The following FRMD1 variants were observed in gnomAD, a reference collection of about 807,000 sequenced individuals.
The protein encoded by FRMD1 is FERM domain-containing protein 1.
A neutral mutation model predicts 54.9 loss-of-function variants in FRMD1; 51 were observed. That is an observed-to-expected ratio of 0.93 (90% CI 0.74 to 1.17). The LOEUF (loss-of-function observed/expected upper bound fraction) is 1.17, where lower values mean the gene tolerates loss of function less well. Ranked by LOEUF, FRMD1 falls within the 50% of genes most tolerant of loss-of-function variation. FRMD1 has a pLI of 0.00. For synonymous variants in FRMD1, 324 were observed against 306.4 expected, an observed-to-expected ratio of 1.06 and a Z score of -0.60; for missense variants, 729 against 743.0, an observed-to-expected ratio of 0.98 and a Z score of 0.22.
At position 168,063,319 on chromosome 6, in the gene FRMD1, C is replaced by G. The variant is rs543936307; in HGVS notation, c.804+282G>C. 1.1e-4 allele frequency among the ~76,000 whole-genome samples: 17 copies of G among 151,332 alleles called. 1 individual carries two copies. In the South Asian group the frequency reaches 3.6e-3, roughly 32 times the overall value. On this transcript the variant is annotated intron_variant, in intron 6 of 10. Transcript: ENST00000283309. ...CTCCATCCATCCCTGCCCCGGGGTC[C>G]TGGTCCCACTCTTAGCCACGGGGGC...
At chr6:168,068,327 A>G (rs1800145456) in intron 2 of FRMD1, among the ~76,000 whole-genome samples, 1 of 152,290 alleles carries the variant, frequency 6.6e-6, no homozygotes, top group African/African-American at 2.4e-5. Context: ...CAATTTTCCT[A>G]GAGAGGAAAA....
At chr6:168,082,535 C>T (rs1397119967), upstream of FRMD1, among the ~76,000 whole-genome samples, 2 of 152,226 alleles carry the variant, frequency 1.3e-5, no homozygotes, top group Non-Finnish European at 2.9e-5. Flanking sequence ...CACACTTCCT[C>T]TCCTTGCATG....
chr6:168,065,259 GGT>G, intron 4 of FRMD1: 18 of 1,334,580 alleles, frequency 1.3e-5, no homozygotes, highest in Non-Finnish European at 1.7e-5. Context: ...GCGGGGCACA[GGT>G]GACTTGCTGC....
chr6:168,073,203 C>G (rs148188519), intron 2 of FRMD1, among the ~76,000 whole-genome samples: 1 of 152,142 alleles, frequency 6.6e-6, no homozygotes, highest in Non-Finnish European at 1.5e-5. Context: ...CCAGTCACCC[C>G]CCTGCAACAC....
chr6:168,059,680 C>G lies in FRMD1; in HGVS notation c.1343-492G>C, dbSNP rs557130197. On this transcript the variant is annotated intron_variant, in intron 9 of 10. Coordinates refer to ENST00000283309, the MANE Select transcript of FRMD1 (RefSeq NM_024919.6). This position sits in a 1 kb window ranked among gnomAD's most constrained non-coding sequence, Gnocchi z 4.4. Reference sequence around the variant, plus strand: ...CCACCGTCAGGGCCGTGGGGACACTCAGAGACCAGCAGAGCTCACGTCCCC... The same window carrying G: ...CCACCGTCAGGGCCGTGGGGACACTGAGAGACCAGCAGAGCTCACGTCCCC... Among the ~76,000 whole-genome samples the G allele has an allele frequency of 8.5e-5, 13 of 152,248 alleles. No homozygotes were observed. Among genetic ancestry groups the G allele is most frequent in the Admixed American group, 2.6e-4 (4 of 15,304 alleles).
chr6:168,084,800 C>T (rs1031697814), upstream of FRMD1, among the ~76,000 whole-genome samples: 9 of 152,240 alleles, frequency 5.9e-5, no homozygotes, highest in African/African-American at 9.6e-5. Flanking sequence ...ACATAGCAGG[C>T]GTCCCATGGT....
rs141890669 is a variant in FRMD1 at position 168,060,851 on chromosome 6, G to A, written c.1252C>T (p.Pro418Ser). The A allele has an allele frequency of 4.3e-6, 7 of 1,613,608 alleles. No homozygotes were observed. In the South Asian group the frequency reaches 6.6e-5, roughly 15 times the overall value. ...TCATGGAGCCCGTGGACCTCCAAGG[G>A]CACGTCCACAGACATCTCTCTGGAT... The part of the protein sequence containing the change: ...RESREMSVDV[P>S]LEVHGLHEKE... The change falls in exon 9 of 11, where the codon CCC becomes TCC. Residue 418 changes from proline (P) to serine (S), a missense_variant. By Grantham distance (74) the Pro-to-Ser change is moderately conservative. Coordinates refer to ENST00000283309, the MANE Select transcript of FRMD1 (RefSeq NM_024919.6).
chr6:168,063,687 G>C lies in FRMD1; in HGVS notation c.718C>G (p.Leu240Val), dbSNP rs1219854558. 6.2e-7 allele frequency: 1 copy of C among 1,613,942 alleles called. No individual in the cohort carries two copies. ...MPTLHRERQG[L>V]SPKEAMLCFI... is the part of the protein sequence containing the mutation. The stretch of plus-strand genomic sequence containing the variant: ...CACAGCATGGCCTCCTTGGGGCTCA[G>C]GCCCTGGCGCTCACGGTGCAGGGTA... The change falls in exon 6 of 11, where the codon CTG becomes GTG. Residue 240 changes from leucine (L) to valine (V), a missense_variant. Physicochemically the swap from Leu to Val is conservative, Grantham distance 32. Coordinates refer to ENST00000283309, the MANE Select transcript of FRMD1 (RefSeq NM_024919.6).
chr6:168,089,927 G>A (rs1344956955), intron 1 of FRMD1, among the ~76,000 whole-genome samples: 1 of 152,152 alleles, frequency 6.6e-6, no homozygotes, highest in African/African-American at 2.4e-5. Context: ...TTATTTAAGG[G>A]ACGTGCTGCC....
Position 168,063,715 on chromosome 6 carries a change from C to T in FRMD1, c.690G>A (p.Met230Ile). ...CCTGGCGCTCACGGTGCAGGGTAGG[C>T]ATGTGCCGGAGGATGTAGTCAATCC... ...KRGIDYILRH[M>I]PTLHRERQGL... The change falls in exon 6 of 11, where the codon ATG becomes ATA. Residue 230 changes from methionine to isoleucine, a missense_variant. By Grantham distance (10) the Met-to-Ile change is conservative. Coordinates refer to ENST00000283309, the MANE Select transcript of FRMD1 (RefSeq NM_024919.6). 6.2e-7 allele frequency: 1 copy of T among 1,613,682 alleles called. No homozygotes were observed. Among genetic ancestry groups the T allele is most frequent in the South Asian group, 1.1e-5 (1 of 91,058 alleles).
At chr6:168,090,919 C>T (rs1293049098) in intron 1 of FRMD1, among the ~76,000 whole-genome samples, 1 of 152,152 alleles carries the variant, frequency 6.6e-6, no homozygotes, top group African/African-American at 2.4e-5. Flanking sequence ...CTCCTGGTTT[C>T]CATTCGAGGC....
chr6:168,063,384 C>G (rs1799859303), intron 6 of FRMD1, among the ~76,000 whole-genome samples: 1 of 151,574 alleles, frequency 6.6e-6, no homozygotes, highest in South Asian at 2.1e-4. Flanking sequence ...CACTCTTAGC[C>G]ATGGGGGCTC....
upstream of FRMD1, among the ~76,000 whole-genome samples, chr6:168,080,854 C>T (rs373410630): frequency 5.4e-5 from 8 of 149,520 alleles, no homozygotes; most frequent in East Asian, 3.9e-4. Flanking sequence ...TGTGTGTGGG[C>T]GCTGGTGTGT....
At chr6:168,065,786 C>T (rs1379012738) in intron 4 of FRMD1, 4 of 997,308 alleles carry the variant, frequency 4.0e-6, no homozygotes, top group South Asian at 9.4e-5. Flanking sequence ...CCCCCTAGAA[C>T]CTTCCACACA....
At chr6:168,088,277 C>A (rs1800955903) in intron 1 of FRMD1, among the ~76,000 whole-genome samples, 1 of 152,230 alleles carries the variant, frequency 6.6e-6, no homozygotes, top group South Asian at 2.1e-4. Context: ...CCTGCCCCTG[C>A]TGGGAGGCAG....
At chr6:168,060,709 G>A in intron 9 of FRMD1, 52 bp downstream of exon 9, 2 of 1,554,752 alleles carry the variant, frequency 1.3e-6, no homozygotes, top group East Asian at 2.3e-5. Flanking sequence ...AGCTGGGGCT[G>A]GCTGGACCAC....
At chr6:168,070,951 G>C (rs985712343) in intron 2 of FRMD1, among the ~76,000 whole-genome samples, 3 of 152,216 alleles carry the variant, frequency 2.0e-5, no homozygotes, top group Admixed American at 6.5e-5. Flanking sequence ...TCTTCCCAGT[G>C]AGAGTCATCC....
upstream of FRMD1, chr6:168,081,262 C>T: frequency 2.3e-6 from 3 of 1,277,900 alleles, no homozygotes; most frequent in African/African-American, 1.5e-5. Flanking sequence ...GACACCAGAA[C>T]CTCTGTCCTC....
intron 1 of FRMD1, among the ~76,000 whole-genome samples, chr6:168,076,220 C>T (rs1026175239): frequency 3.9e-5 from 6 of 152,370 alleles, no homozygotes; most frequent in Non-Finnish European, 8.8e-5. Flanking sequence ...TCACTTGGGG[C>T]TCCAAGAGGA....
Sources: gnomAD v4.1 joint callset for allele counts (sites outside exome capture counted in the v4.1 genomes callset) on GRCh38, gnomAD v4.1.1 for gene constraint, Gnocchi (gnomAD v3.1) non-coding constraint, MANE v1.5 for transcripts, NCBI Gene and HGNC (gene_info 2026-07-23, HGNC 2026-07-21) for gene names.